The following DCDC1 variants were observed in gnomAD, a reference collection of about 807,000 sequenced individuals.
The protein encoded by DCDC1 is doublecortin domain containing 1, also known as doublecortin domain-containing protein 1.
In DCDC1, 200 loss-of-function variants were observed where a neutral mutation model predicts 178.3. The ratio of observed to expected loss-of-function variants is 1.12; its 90% confidence interval spans 1.00 to 1.26. The LOEUF is 1.26. Ranked by LOEUF, DCDC1 falls within the 50% of genes most tolerant of loss-of-function variation. The pLI is 0.00. For missense variants in DCDC1, 1,983 were observed against 1,749.2 expected, an observed-to-expected ratio of 1.13 and a Z score of -2.38; for synonymous variants, 690 against 604.8, an observed-to-expected ratio of 1.14 and a Z score of -2.07.
At chr11:31,250,454 G>A (rs1214901688) in intron 8 of DCDC1, among the ~76,000 whole-genome samples, 1 of 114,376 alleles carries the variant, frequency 8.7e-6, no homozygotes, top group African/African-American at 3.6e-5. Flanking sequence ...ATCCCTGCCT[G>A]GGGCTTGACT....
At chr11:30,878,466 G>A in intron 38 of DCDC1, 78 bp downstream of exon 38, 2 of 1,272,082 alleles carry the variant, frequency 1.6e-6, no homozygotes, top group Admixed American at 2.9e-5. Flanking sequence ...AAAAGAAAGA[G>A]GGGGGAACTG....
intron 9 of DCDC1, among the ~76,000 whole-genome samples, chr11:31,237,915 G>T (rs1483152997): frequency 1.3e-5 from 2 of 151,824 alleles, no homozygotes; most frequent in Admixed American, 1.3e-4. Flanking sequence ...GAATTCAGGG[G>T]CTATGACTCT....
chr11:31,297,777 A>C (rs34431673), intron 6 of DCDC1, among the ~76,000 whole-genome samples: 2,103 of 152,304 alleles, frequency 0.014, 31 homozygotes, highest in South Asian at 0.055. Flanking sequence ...TCAGGTTAAA[A>C]GGCTAATCAG....
intron 8 of DCDC1, 92 bp downstream of exon 8, chr11:31,265,413 TTA>T (rs1945085163): frequency 9.1e-6 from 5 of 547,432 alleles, no homozygotes; most frequent in Admixed American, 3.8e-5. Flanking sequence ...CTATGTTTTA[TTA>T]TATGTTTTTC....
intron 28 of DCDC1, 52 bp from the exon 29 acceptor site, chr11:30,909,168 G>GC: frequency 6.7e-7 from 1 of 1,487,216 alleles, no homozygotes. Flanking sequence ...GAGGGTTATA[G>GC]TGTCTTGTTT....
chr11:31,324,284 C>T (rs889126169), intron 3 of DCDC1, among the ~76,000 whole-genome samples: 2 of 151,328 alleles, frequency 1.3e-5, no homozygotes, highest in East Asian at 1.9e-4. Flanking sequence ...AGCATAGCAT[C>T]GGGGGCATAA....
chr11:30,987,530 C>T (rs1408296616), intron 20 of DCDC1, among the ~76,000 whole-genome samples: 1 of 152,066 alleles, frequency 6.6e-6, no homozygotes, highest in Non-Finnish European at 1.5e-5. Context: ...AATAAGTCAA[C>T]ATGATAGAGA....
At chr11:31,235,605 TTTAA>T (rs750066183) in intron 9 of DCDC1, among the ~76,000 whole-genome samples, 14 of 151,984 alleles carry the variant, frequency 9.2e-5, no homozygotes, top group Non-Finnish European at 1.8e-4. Flanking sequence ...TTAAATAATT[TTTAA>T]TTAATCAAGA....
At chr11:30,907,544 A>C (rs1281409637) in intron 29 of DCDC1, among the ~76,000 whole-genome samples, 1 of 152,196 alleles carries the variant, frequency 6.6e-6, no homozygotes, top group Non-Finnish European at 1.5e-5. Flanking sequence ...ATCAGAGCTT[A>C]TTCTCTTTTA....
At chr11:31,103,462 A>T (rs1958635496) in intron 14 of DCDC1, among the ~76,000 whole-genome samples, 182 bp downstream of exon 14, 1 of 152,238 alleles carries the variant, frequency 6.6e-6, no homozygotes. Flanking sequence ...AGGAAAGTTA[A>T]CAAGTCTTTT....
intron 1 of DCDC1, among the ~76,000 whole-genome samples, chr11:31,360,018 G>A (rs936300024): frequency 3.3e-5 from 5 of 152,096 alleles, no homozygotes; most frequent in Non-Finnish European, 7.4e-5. Flanking sequence ...GAAAACATAC[G>A]CAATATGTAA....
At chr11:31,232,997 A>C (rs577637428) in intron 9 of DCDC1, among the ~76,000 whole-genome samples, 1 of 152,056 alleles carries the variant, frequency 6.6e-6, no homozygotes, top group East Asian at 1.9e-4. Flanking sequence ...CTGAAGCAGG[A>C]GAATGGCTTG....
chr11:30,992,985 C>G (rs1409651110), intron 20 of DCDC1, among the ~76,000 whole-genome samples: 2 of 151,890 alleles, frequency 1.3e-5, no homozygotes, highest in African/African-American at 2.4e-5. Flanking sequence ...TGAGACCAAC[C>G]AAGTTAATTT....
intron 8 of DCDC1, among the ~76,000 whole-genome samples, chr11:31,246,608 G>A (rs2136942223): frequency 6.6e-6 from 1 of 152,106 alleles, no homozygotes; most frequent in South Asian, 2.1e-4. Flanking sequence ...CAAGGTATGT[G>A]TGTATTTTAA....
intron 3 of DCDC1, among the ~76,000 whole-genome samples, chr11:31,325,747 TATTA>T (rs1318115782): frequency 1.3e-5 from 2 of 152,122 alleles, no homozygotes; most frequent in African/African-American, 2.4e-5. Context: ...AAGTACAGTG[TATTA>T]ATTAATGAAG....
At position 31,010,469 on chromosome 11, in the gene DCDC1, G is replaced by A. The variant is rs568354642; in HGVS notation, c.2591+54000C>T. 3.3e-5 allele frequency among the ~76,000 whole-genome samples: 5 copies of A among 152,328 alleles called. No homozygotes were observed. The South Asian group carries it at 6.2e-4, about 19-fold the overall frequency. ...GCAGTTTGCCCCTTTAAGGCCAGTAGGAAAGTGTCCCACTCTAGTTTGCTA... is the reference window on the plus strand; with the variant it reads ...GCAGTTTGCCCCTTTAAGGCCAGTAAGAAAGTGTCCCACTCTAGTTTGCTA... On this transcript the variant is annotated intron_variant, in intron 20 of 38. Transcript: ENST00000684477.
chr11:31,107,040 T>C, intron 12 of DCDC1, 80 bp from the exon 13 acceptor site: 3 of 643,228 alleles, frequency 4.7e-6, no homozygotes, highest in Admixed American at 2.8e-5. Flanking sequence ...AAACTGTCTC[T>C]ACTCTGTAAC....
intron 7 of DCDC1, among the ~76,000 whole-genome samples, chr11:31,276,262 C>T (rs533715305): frequency 1.3e-5 from 2 of 152,124 alleles, no homozygotes; most frequent in East Asian, 3.9e-4. Context: ...ACTATATAAA[C>T]CTAAAAAGCA....
chr11:31,284,079 C>G (rs1321494920), intron 7 of DCDC1, among the ~76,000 whole-genome samples: 1 of 151,998 alleles, frequency 6.6e-6, no homozygotes, highest in Non-Finnish European at 1.5e-5. Flanking sequence ...TTAGGCATTA[C>G]AGCTGATGCT....
Sources: allele counts gnomAD v4.1 joint callset (sites outside exome capture counted in the v4.1 genomes callset), GRCh38; gene constraint gnomAD v4.1.1; transcripts MANE v1.5; gene names NCBI Gene and HGNC (gene_info 2026-07-23, HGNC 2026-07-21).